Variants in WDR45 observed in about 807,000 individuals in gnomAD.
WDR45 encodes the protein WD repeat domain phosphoinositide-interacting protein 4.
Under a neutral mutation model 27.3 loss-of-function variants are expected in WDR45, and 2 were observed. The observed-to-expected ratio is 0.07, with a 90% CI of 0.03 to 0.23. WDR45 has a LOEUF of 0.23. Ranked by LOEUF, WDR45 falls within the 10% of genes least tolerant of loss-of-function variation. The pLI, the probability that WDR45 is intolerant of heterozygous loss-of-function variation, is 1.00. For missense variants in WDR45, 175 were observed against 311.9 expected, an observed-to-expected ratio of 0.56 and a Z score of 3.31; for synonymous variants, 99 against 119.2, an observed-to-expected ratio of 0.83 and a Z score of 1.11.
chrX:49,092,402 C>A lies in WDR45; in HGVS notation c.-18+7803G>T, dbSNP rs1303311789. Among the ~76,000 whole-genome samples the A allele has an allele frequency of 2.8e-5, 3 of 108,645 alleles. No individual in the cohort carries two copies. In the Admixed American group the frequency reaches 3.0e-4, roughly 11 times the overall value. The allele number at this position is 108,645 out of a possible 115,157, so 94.3% of individuals were successfully genotyped here. On this transcript the variant is annotated intron_variant, in intron 2 of 11. Coordinates refer to the WDR45 transcript ENST00000356463. ...TACCTAACACTTCTGTTTCTTGGAC[C>A]AATTTTTTTTTTAACTTGCCCTGCC...
upstream of WDR45, among the ~76,000 whole-genome samples, chrX:49,080,734 C>G (rs1172062271): frequency 9.2e-6 from 1 of 108,312 alleles, no homozygotes; most frequent in Non-Finnish European, 1.9e-5. Context: ...TAAGCTACCA[C>G]GCCCGGCCTC....
At chrX:49,099,813 AC>A (rs2065139361) in intron 2 of WDR45, among the ~76,000 whole-genome samples, 1 of 109,351 alleles carries the variant, frequency 9.1e-6, no homozygotes, top group African/African-American at 3.3e-5. Flanking sequence ...ACAAAAAAAA[AC>A]ACACAGTGTT....
intron 2 of WDR45, among the ~76,000 whole-genome samples, chrX:49,094,859 G>A (rs1368536120): frequency 9.0e-6 from 1 of 111,128 alleles, no homozygotes; most frequent in African/African-American, 3.3e-5. Context: ...GGGAGGTGGA[G>A]GCAGGCAGAT....
intron 1 of WDR45, among the ~76,000 whole-genome samples, chrX:49,078,487 A>C (rs2065050682): frequency 8.9e-6 from 1 of 111,797 alleles, no homozygotes; most frequent in Admixed American, 9.4e-5. Context: ...GAGCCATTGC[A>C]TTCCAGCCTG....
At chrX:49,082,458 T>G (rs1442353388), upstream of WDR45, among the ~76,000 whole-genome samples, 4 of 111,065 alleles carry the variant, frequency 3.6e-5, no homozygotes, top group Non-Finnish European at 7.5e-5. Context: ...ATACTCCCCT[T>G]GGCATGATTC....
chrX:49,098,052 A>G, intron 2 of WDR45, among the ~76,000 whole-genome samples: 1 of 111,779 alleles, frequency 8.9e-6, no homozygotes, highest in East Asian at 2.8e-4. Flanking sequence ...GCAAGGCTTA[A>G]GTGATCCTCC....
chrX:49,098,030 C>T (rs1427009789), intron 2 of WDR45, among the ~76,000 whole-genome samples: 1 of 111,216 alleles, frequency 9.0e-6, no homozygotes, highest in African/African-American at 3.3e-5. Flanking sequence ...TGGCTCACTG[C>T]GGCCTCTAAT....
chrX:49,092,584 C>T (rs1232188942), intron 2 of WDR45, among the ~76,000 whole-genome samples: 1 of 111,683 alleles, frequency 9.0e-6, no homozygotes, highest in African/African-American at 3.3e-5. Context: ...TGCACACCTT[C>T]CCAAACCTTA....
At chrX:49,077,777 T>A (rs781955794) in intron 3 of WDR45, 30 bp from the exon 4 acceptor site, 1 of 1,200,537 alleles carries the variant, frequency 8.3e-7, no homozygotes, top group South Asian at 1.8e-5. Context: ...TCAGTGGAGG[T>A]GGGAGCCAAC....
chrX:49,085,731 G>C (rs1289714545), intron 2 of WDR45, among the ~76,000 whole-genome samples: 2 of 111,601 alleles, frequency 1.8e-5, no homozygotes, highest in African/African-American at 6.5e-5. Context: ...TTAAAAGTTA[G>C]CTGGGAGTGA....
At chrX:49,078,556 G>A (rs1460885382) in intron 1 of WDR45, among the ~76,000 whole-genome samples, 1 of 111,772 alleles carries the variant, frequency 8.9e-6, no homozygotes, top group Admixed American at 9.4e-5. Context: ...GAGAGTCCCA[G>A]GGTCTCTGCT....
chrX:49,079,034 A>G (rs1380127830), intron 1 of WDR45: 1 of 111,141 alleles, frequency 9.0e-6, no homozygotes, highest in African/African-American at 3.3e-5. Context: ...CAGGATGCCT[A>G]CCTTGGGATG....
At chrX:49,087,734 C>T (rs1256311583) in intron 2 of WDR45, among the ~76,000 whole-genome samples, 13 of 111,584 alleles carry the variant, frequency 1.2e-4, no homozygotes, top group Non-Finnish European at 2.1e-4. Context: ...ATTTCAAGGA[C>T]AGGTGCGGTG....
upstream of WDR45, chrX:49,082,238 C>A (rs1602544207): frequency 4.2e-5 from 1 of 24,051 alleles, no homozygotes; most frequent in African/African-American, 4.5e-5. Flanking sequence ...GATGAAATCC[C>A]CCCTTTACTT....
intron 2 of WDR45, among the ~76,000 whole-genome samples, chrX:49,094,470 G>GA (rs1226095388): frequency 1.5e-4 from 16 of 110,156 alleles, no homozygotes; most frequent in African/African-American, 5.3e-4. Flanking sequence ...CTGTCTCAAA[G>GA]AAAAAAAATT....
Position 49,074,922 on chromosome X carries a change from G to T in WDR45, c.974-10C>A, listed in dbSNP as rs781891625. The T allele has an allele frequency of 1.0e-4, 121 of 1,186,995 alleles. No homozygotes were observed. Among genetic ancestry groups the T allele is most frequent in the Non-Finnish European group, 1.4e-4 (119 of 873,826 alleles). ...CCATCTACGCAGATGGCTGGGGGAGGGGGGGTGGTAAAAGGTCAGAGGCTG... is the reference window on the plus strand; with the variant it reads ...CCATCTACGCAGATGGCTGGGGGAGTGGGGGTGGTAAAAGGTCAGAGGCTG... On this transcript the variant is annotated splice_polypyrimidine_tract_variant and intron_variant, in intron 10 of 10. Coordinates refer to ENST00000376372, the MANE Select transcript of WDR45 (RefSeq NM_001029896.2).
rs782407000 is a variant in WDR45 at position 49,077,923 on chromosome X, A to T, written c.56-12T>A. 2 of 1,211,708 alleles carry T rather than the reference A, an allele frequency of 1.7e-6. No individual in the cohort carries two copies. The highest frequency in any genetic ancestry group is 1.1e-6 in the Non-Finnish European group (1 of 895,322). The stretch of plus-strand genomic sequence containing the variant: ...GCAGCAAAAGCAGCCTGGGGGATGG[A>T]AGGAATCCAGACTGCCTTAAAGAAT... On this transcript the variant is annotated splice_polypyrimidine_tract_variant and intron_variant, in intron 2 of 10. Coordinates refer to ENST00000376372, the MANE Select transcript of WDR45 (RefSeq NM_001029896.2).
At chrX:49,086,663 C>T (rs1274106534) in intron 2 of WDR45, among the ~76,000 whole-genome samples, 5 of 110,616 alleles carry the variant, frequency 4.5e-5, no homozygotes, top group Admixed American at 2.9e-4. Context: ...GCACAATCTC[C>T]GCTCACTGCA....
intron 4 of WDR45, chrX:49,077,144 C>T (rs1557084383): frequency 5.1e-6 from 1 of 195,492 alleles, no homozygotes; most frequent in African/African-American, 3.0e-5. Flanking sequence ...TCACCTAGGG[C>T]AACTCCTGCC....
Sources: allele counts gnomAD v4.1 joint callset (sites outside exome capture counted in the v4.1 genomes callset), GRCh38; gene constraint gnomAD v4.1.1; transcripts MANE v1.5; gene names NCBI Gene and HGNC (gene_info 2026-07-23, HGNC 2026-07-21).